Variants in MEGF11 observed in about 807,000 individuals in gnomAD.
MEGF11 encodes the protein multiple epidermal growth factor-like domains protein 11.
Under a neutral mutation model 146.6 loss-of-function variants are expected in MEGF11, and 126 were observed. The observed-to-expected ratio is 0.86, with a 90% confidence interval of 0.74 to 1.00. MEGF11 has a LOEUF of 1.00. MEGF11 is among the 50% of genes least tolerant of loss of function. MEGF11 has a pLI of 0.00. For synonymous variants in MEGF11, 532 were observed against 583.4 expected (o/e 0.91, Z 1.27); for missense variants, 1,509 against 1,521.2 (o/e 0.99, Z 0.13).
intron 5 of MEGF11, among the ~76,000 whole-genome samples, chr15:66,059,599 C>T (rs1262664216): frequency 1.4e-4 from 21 of 152,050 alleles, no homozygotes; most frequent in Admixed American, 1.4e-3. Flanking sequence ...CCAGAGACCC[C>T]CCACAGCGCT....
intron 10 of MEGF11, among the ~76,000 whole-genome samples, chr15:65,948,110 GCCCCCACCGACCTGCCA>G (rs1442998047): frequency 6.6e-6 from 1 of 151,882 alleles, no homozygotes; most frequent in African/African-American, 2.4e-5. Context: ...CTCCCTTTGT[GCCCCCACCGACCTGCCA>G]CCCCCACCAT....
intron 7 of MEGF11, among the ~76,000 whole-genome samples, chr15:65,977,650 T>C (rs1354474356): frequency 1.3e-5 from 2 of 152,048 alleles, no homozygotes; most frequent in Non-Finnish European, 2.9e-5. Context: ...GGCTGATTTT[T>C]TGTATTTTTA....
intron 1 of MEGF11, among the ~76,000 whole-genome samples, chr15:66,181,542 C>CTACTATCATT (rs2090549770): frequency 1.4e-5 from 1 of 70,440 alleles, no homozygotes; most frequent in Non-Finnish European, 2.6e-5. Flanking sequence ...CTACTATCAT[C>CTACTATCATT]CCAATTTCCT....
intron 1 of MEGF11, among the ~76,000 whole-genome samples, chr15:66,135,430 C>T (rs995223700): frequency 1.3e-5 from 2 of 152,160 alleles, no homozygotes; most frequent in East Asian, 3.9e-4. Flanking sequence ...AAGACTCAGG[C>T]GGGGCCCTGC....
chr15:66,122,471 G>A (rs183971274), intron 3 of MEGF11, among the ~76,000 whole-genome samples: 7 of 152,222 alleles, frequency 4.6e-5, no homozygotes, highest in South Asian at 4.2e-4. Context: ...CTATGTTGCC[G>A]CCCAGCATGA....
At chr15:65,933,580 G>A (rs1047466462) in intron 10 of MEGF11, among the ~76,000 whole-genome samples, 7 of 152,196 alleles carry the variant, frequency 4.6e-5, no homozygotes, top group Non-Finnish European at 1.0e-4. Context: ...TGGTCTTTGC[G>A]ACAGTCCTGG....
chr15:66,104,173 A>G (rs190725262), intron 4 of MEGF11, among the ~76,000 whole-genome samples: 1 of 152,270 alleles, frequency 6.6e-6, no homozygotes, highest in African/African-American at 2.4e-5. Flanking sequence ...GTCTTCATCT[A>G]GAATGTGCTC....
intron 5 of MEGF11, among the ~76,000 whole-genome samples, chr15:66,054,596 C>A (rs145758513): frequency 3.3e-5 from 5 of 152,148 alleles, no homozygotes; most frequent in Non-Finnish European, 2.9e-5. Context: ...GCAGAGTGAG[C>A]GGCCTGGAAA....
At chr15:66,223,675 A>G (rs2091785507) in intron 1 of MEGF11, among the ~76,000 whole-genome samples, 1 of 152,216 alleles carries the variant, frequency 6.6e-6, no homozygotes, top group African/African-American at 2.4e-5. Context: ...GTGAGCTGAG[A>G]TGGTGCCATT....
At chr15:66,077,272 T>C (rs1350329413) in intron 5 of MEGF11, among the ~76,000 whole-genome samples, 1 of 152,208 alleles carries the variant, frequency 6.6e-6, no homozygotes, top group African/African-American at 2.4e-5. Flanking sequence ...CCATATCTGA[T>C]GACTGAAACC....
chr15:66,095,858 C>A (rs1468163920), intron 4 of MEGF11, among the ~76,000 whole-genome samples: 2 of 152,186 alleles, frequency 1.3e-5, no homozygotes, highest in Non-Finnish European at 2.9e-5. Context: ...TGCTGGAGCC[C>A]CGCTCGCTTG....
At chr15:66,116,627 G>A (rs1314494290) in intron 4 of MEGF11, among the ~76,000 whole-genome samples, 1 of 152,208 alleles carries the variant, frequency 6.6e-6, no homozygotes. Flanking sequence ...GGGGATCCAT[G>A]AACCCAATGA....
At chr15:65,979,584 G>A (rs552171709) in intron 7 of MEGF11, among the ~76,000 whole-genome samples, 9 of 152,302 alleles carry the variant, frequency 5.9e-5, no homozygotes, top group Non-Finnish European at 8.8e-5. Context: ...AGGCAGGGAC[G>A]CAGCCCAGGA....
intron 1 of MEGF11, among the ~76,000 whole-genome samples, chr15:66,163,915 T>C (rs2090026661): frequency 6.6e-6 from 1 of 152,194 alleles, no homozygotes; most frequent in African/African-American, 2.4e-5. Context: ...TCCAGTGATG[T>C]GGGTGGAGGG....
Position 65,922,918 on chromosome 15 carries a change from G to A in MEGF11, c.1727C>T (p.Ser576Phe). 1 of 1,613,318 alleles carries A rather than the reference G, an allele frequency of 6.2e-7. No individual in the cohort carries two copies. Among genetic ancestry groups the A allele is most frequent in the Non-Finnish European group, 8.5e-7 (1 of 1,179,768 alleles). Residue 576 changes from serine to phenylalanine, a missense_variant, in exon 14 of 26, where the codon TCT becomes TTT. Coordinates refer to ENST00000395614, the MANE Select transcript of MEGF11 (RefSeq NM_001385028.1). The part of the protein sequence containing the change: ...CPPGRWGPNC[S>F]VSCSCENGGS... The stretch of plus-strand genomic sequence containing the variant: ...TCCATTCTCACAGCTGCAGGAGACA[G>A]AGCAGTTGGGGCCCCAGCGGCCAGG...
At chr15:66,172,332 G>A (rs1010067931) in intron 1 of MEGF11, among the ~76,000 whole-genome samples, 11 of 152,212 alleles carry the variant, frequency 7.2e-5, no homozygotes, top group African/African-American at 2.4e-4. Context: ...TCGTGGGCTG[G>A]GTATTGTCCA....
intron 1 of MEGF11, among the ~76,000 whole-genome samples, chr15:66,218,364 C>T (rs1457677708): frequency 6.6e-6 from 1 of 152,188 alleles, no homozygotes; most frequent in African/African-American, 2.4e-5. Flanking sequence ...CAGGGCAGGG[C>T]TCATGGGGCC....
At chr15:66,158,125 T>G (rs967598590) in intron 1 of MEGF11, among the ~76,000 whole-genome samples, 1 of 152,174 alleles carries the variant, frequency 6.6e-6, no homozygotes, top group East Asian at 1.9e-4. Context: ...GATTCCCAGA[T>G]TCATTTTAGA....
At chr15:66,226,397 G>GCCA (rs911892368) in intron 1 of MEGF11, among the ~76,000 whole-genome samples, 3 of 152,046 alleles carry the variant, frequency 2.0e-5, no homozygotes, top group African/African-American at 7.2e-5. Flanking sequence ...ACAGGCGTGT[G>GCCA]CCACCACGCC....
Sources: gnomAD v4.1 joint callset for allele counts (sites outside exome capture counted in the v4.1 genomes callset) on GRCh38, gnomAD v4.1.1 for gene constraint, MANE v1.5 for transcripts, NCBI Gene and HGNC (gene_info 2026-07-23, HGNC 2026-07-21) for gene names.